ALCAM: variants seen among roughly 807,000 people sequenced by gnomAD.
The protein encoded by ALCAM is activated leukocyte cell adhesion molecule.
ALCAM carries 30 observed loss-of-function variants against 70.9 expected under a neutral mutation model. The ratio of observed to expected loss-of-function variants is 0.42; its 90% CI spans 0.32 to 0.57. The LOEUF is 0.57. ALCAM is among the 20% of genes least tolerant of loss of function. ALCAM has a pLI of 0.11. For synonymous variants in ALCAM, 249 were observed against 242.5 expected (o/e 1.03, Z -0.25); for missense variants, 591 against 695.1 (o/e 0.85, Z 1.68).
intron 1 of ALCAM, among the ~76,000 whole-genome samples, chr3:105,512,783 T>G (rs1016030722): frequency 2.6e-5 from 4 of 151,856 alleles, no homozygotes; most frequent in African/African-American, 9.7e-5. Flanking sequence ...TTGTATTGAC[T>G]AATTATCTGA....
intron 1 of ALCAM, 66 bp downstream of exon 1, chr3:105,367,547 C>T (rs1935095662): frequency 6.3e-7 from 1 of 1,578,368 alleles, no homozygotes; most frequent in African/African-American, 1.3e-5. Flanking sequence ...AGGTCCCCGT[C>T]CCAGCCTCGC....
chr3:105,477,078 C>T (rs982184795), intron 1 of ALCAM, among the ~76,000 whole-genome samples: 2 of 152,032 alleles, frequency 1.3e-5, no homozygotes, highest in African/African-American at 4.8e-5. Context: ...CTGAGGCCTC[C>T]CCAGCCATGT....
intron 1 of ALCAM, among the ~76,000 whole-genome samples, chr3:105,430,083 A>T (rs970021239): frequency 1.3e-5 from 2 of 152,000 alleles, no homozygotes; most frequent in African/African-American, 4.8e-5. Flanking sequence ...ACACATTTTC[A>T]TGGACACTAT....
chr3:105,463,902 T>A (rs1937644131), intron 1 of ALCAM, among the ~76,000 whole-genome samples: 1 of 151,442 alleles, frequency 6.6e-6, no homozygotes, highest in African/African-American at 2.4e-5. Flanking sequence ...TATGGGTGAT[T>A]GACAATTTAT....
intron 1 of ALCAM, among the ~76,000 whole-genome samples, chr3:105,490,338 C>G (rs187367986): frequency 6.6e-6 from 1 of 152,158 alleles, no homozygotes; most frequent in Non-Finnish European, 1.5e-5. Context: ...TAGCTTTAAC[C>G]GTTAAGGAAA....
intron 2 of ALCAM, among the ~76,000 whole-genome samples, chr3:105,520,520 A>C (rs950411168): frequency 2.6e-5 from 4 of 152,194 alleles, no homozygotes; most frequent in Non-Finnish European, 5.9e-5. Flanking sequence ...TTCATGTTCT[A>C]CTTGATGTGG....
intron 1 of ALCAM, among the ~76,000 whole-genome samples, chr3:105,484,237 A>T (rs1220481861): frequency 6.6e-6 from 1 of 150,920 alleles, no homozygotes; most frequent in Non-Finnish European, 1.5e-5. Context: ...AACTACTACC[A>T]TTTTTGCTCT....
chr3:105,384,623 T>C (rs931314593), intron 1 of ALCAM, among the ~76,000 whole-genome samples: 20 of 151,556 alleles, frequency 1.3e-4, no homozygotes, highest in African/African-American at 4.8e-4. Context: ...TAATATATTA[T>C]TAAAAATACT....
chr3:105,536,746 A>G (rs937067132), intron 6 of ALCAM, among the ~76,000 whole-genome samples: 1 of 152,166 alleles, frequency 6.6e-6, no homozygotes, highest in Non-Finnish European at 1.5e-5. Flanking sequence ...AGACACCTAC[A>G]TCAGAAGGAA....
intron 14 of ALCAM, among the ~76,000 whole-genome samples, chr3:105,559,039 C>T (rs1468059451): frequency 1.3e-5 from 2 of 151,790 alleles, no homozygotes; most frequent in Admixed American, 6.6e-5. Context: ...CTTCTTCCCA[C>T]GGTAACTTAC....
chr3:105,435,781 T>C (rs1937035375), intron 1 of ALCAM, among the ~76,000 whole-genome samples: 1 of 152,146 alleles, frequency 6.6e-6, no homozygotes, highest in Non-Finnish European at 1.5e-5. Context: ...AAAGAGGTTT[T>C]TTTTTGTTTG....
chr3:105,490,666 A>G (rs1388258290), intron 1 of ALCAM, among the ~76,000 whole-genome samples: 1 of 152,228 alleles, frequency 6.6e-6, no homozygotes, highest in Non-Finnish European at 1.5e-5. Context: ...TACAAACTCC[A>G]GCAAGGTAGT....
intron 1 of ALCAM, among the ~76,000 whole-genome samples, chr3:105,391,832 A>G (rs1292300949): frequency 6.6e-6 from 1 of 151,948 alleles, no homozygotes; most frequent in African/African-American, 2.4e-5. Flanking sequence ...TGAGATAATT[A>G]TTGTGGTTTT....
At chr3:105,423,092 T>C (rs1936708282) in intron 1 of ALCAM, among the ~76,000 whole-genome samples, 1 of 151,506 alleles carries the variant, frequency 6.6e-6, no homozygotes, top group Non-Finnish European at 1.5e-5. Context: ...ATAGAAATTT[T>C]TTATAAGAGA....
intron 1 of ALCAM, among the ~76,000 whole-genome samples, chr3:105,389,133 G>A (rs2107348741): frequency 6.6e-6 from 1 of 151,524 alleles, no homozygotes; most frequent in South Asian, 2.1e-4. Flanking sequence ...CAAGAAAAGT[G>A]GAAGGTATGG....
At chr3:105,463,479 G>A (rs1022084536) in intron 1 of ALCAM, among the ~76,000 whole-genome samples, 2 of 151,450 alleles carry the variant, frequency 1.3e-5, no homozygotes, top group Non-Finnish European at 3.0e-5. Flanking sequence ...TTTCTACAGT[G>A]AGAAATTTAA....
chr3:105,485,711 T>C (rs1002124303), intron 1 of ALCAM, among the ~76,000 whole-genome samples: 8 of 152,068 alleles, frequency 5.3e-5, no homozygotes, highest in African/African-American at 1.9e-4. Context: ...TGATATTGCC[T>C]GTAAGTGATC....
At chr3:105,498,982 G>T (rs1938844163) in intron 1 of ALCAM, among the ~76,000 whole-genome samples, 2 of 152,058 alleles carry the variant, frequency 1.3e-5, no homozygotes, top group African/African-American at 4.8e-5. Context: ...TTTGCTTATT[G>T]TATTGATATA....
chr3:105,495,320 T>C (rs761848724), intron 1 of ALCAM, among the ~76,000 whole-genome samples: 3 of 152,176 alleles, frequency 2.0e-5, no homozygotes, highest in African/African-American at 2.4e-5. Flanking sequence ...GCTGCTGATA[T>C]CTCAGATTCT....
Sources: gnomAD v4.1 joint callset for allele counts (sites outside exome capture counted in the v4.1 genomes callset) on GRCh38, gnomAD v4.1.1 for gene constraint, MANE v1.5 for transcripts, NCBI Gene and HGNC (gene_info 2026-07-23, HGNC 2026-07-21) for gene names.